GSG1L2: variants seen among roughly 807,000 people sequenced by gnomAD.
GSG1L2 encodes germ cell-specific gene 1-like protein 2.
In GSG1L2, 15 loss-of-function variants were observed where a neutral mutation model predicts 9.0. The observed-to-expected ratio is 1.67, with a 90% CI of 1.12 to 2.57. GSG1L2 has a LOEUF of 2.57. Ranked by LOEUF, GSG1L2 falls within the 30% of genes most tolerant of loss-of-function variation. The pLI, the probability that GSG1L2 is intolerant of heterozygous loss-of-function variation, is 0.00. For synonymous variants in GSG1L2, 127 were observed against 57.9 expected (o/e 2.19, Z -5.41); for missense variants, 286 against 150.3 (o/e 1.90, Z -4.72).
In GSG1L2 at chr17:9,802,589, T is replaced by G; in HGVS notation, c.679A>C (p.Arg227=). 4.3e-6 allele frequency: 3 copies of G among 702,448 alleles called. No individual in the cohort carries two copies. The highest frequency in any genetic ancestry group is 7.8e-6 in the Non-Finnish European group (3 of 384,852). 43.5% of individuals were successfully genotyped at this position (702,448 alleles called of 1,614,324 possible). Residue 227 remains arginine (R), a synonymous_variant, in exon 5 of 5, where the codon AGG becomes CGG. Transcript: ENST00000399363. ...CLAVSVSAMS[R]FTAARLEFTE... Reference sequence around the variant, plus strand: ...AATTCCAGGCGGGCTGCCGTGAACCTGCTCATGGCCGAGACCGACACAGCC... The same window carrying G: ...AATTCCAGGCGGGCTGCCGTGAACCGGCTCATGGCCGAGACCGACACAGCC...
At chr17:9,812,924 A>C (rs1026365378) in intron 1 of GSG1L2, among the ~76,000 whole-genome samples, 1 of 152,128 alleles carries the variant, frequency 6.6e-6, no homozygotes, top group African/African-American at 2.4e-5. Flanking sequence ...TTTTGTAGTA[A>C]CCTCGCACGG....
At chr17:9,815,832 A>G (rs1430405471) in intron 1 of GSG1L2, among the ~76,000 whole-genome samples, 1 of 152,176 alleles carries the variant, frequency 6.6e-6, no homozygotes, top group Non-Finnish European at 1.5e-5. Context: ...TCATGTTGAA[A>G]TTTAATCCCT....
At chr17:9,808,740 C>A (rs2066525787) in intron 3 of GSG1L2, 90 bp downstream of exon 3, 5 of 646,484 alleles carry the variant, frequency 7.7e-6, no homozygotes, top group South Asian at 1.7e-5. Flanking sequence ...TGGGAAAGAG[C>A]CAGCCTGTTC....
At chr17:9,804,702 AAAC>A (rs2066510694) in intron 4 of GSG1L2, 1 of 152,236 alleles carries the variant, frequency 6.6e-6, no homozygotes, top group Non-Finnish European at 1.5e-5. Context: ...TCACATGCCA[AAAC>A]AACAACAAAA....
At position 9,800,979 on chromosome 17, in the gene GSG1L2, C is replaced by T. The variant is rs957840119; in HGVS notation, c.*1407G>A. ...GAAACACAAAATTCCACAGAAGCAG[C>T]ATTTGTCAGGCAGGTGCTCACCTTG... On this transcript the variant is annotated 3_prime_UTR_variant, in exon 5 of 5. Transcript: ENST00000399363. Among the ~76,000 whole-genome samples, 2 of 152,146 alleles carry T rather than the reference C, an allele frequency of 1.3e-5. No homozygotes were observed. The highest frequency in any genetic ancestry group is 6.5e-5 in the Admixed American group (1 of 15,280).
rs76549803 is a variant in GSG1L2, at chr17:9,802,567, T to C, written c.701A>G (p.Glu234Gly). 2.8e-6 allele frequency: 2 copies of C among 702,378 alleles called. No individual in the cohort carries two copies. The highest frequency in any genetic ancestry group is 5.2e-6 in the Non-Finnish European group (2 of 384,892). The allele number at this position is 702,378 out of a possible 1,614,324, so 43.5% of individuals were successfully genotyped here. A position where few individuals can be genotyped will look rare whatever the true frequency, so the allele number is the denominator to read the frequency against. Residue 234 changes from glutamate (E) to glycine (G), a missense_variant, in exon 5 of 5, where the codon GAA becomes GGA. Glu to Gly is a moderately conservative substitution (Grantham distance 98). Transcript: ENST00000399363. The part of the protein sequence containing the change: ...AMSRFTAARL[E>G]FTEKQQAQNG... ...CTGTGCCTGCTGCTTCTCGGTGAAT[T>C]CCAGGCGGGCTGCCGTGAACCTGCT... is the stretch of plus-strand genomic sequence containing the variant.
rs1228620885 is a variant in GSG1L2 at position 9,816,870 on chromosome 17, CTG to C, written c.310+4890_310+4891del. On this transcript the variant is annotated intron_variant, in intron 1 of 4. Coordinates refer to ENST00000399363, the MANE Select transcript of GSG1L2 (RefSeq NM_001310219.2). ...TTTCTGTGTATCTGTATGTGTGTGT[CTG>C]TGTGTGTATCTGTGTGTGTGTATCT... 2.5e-5 allele frequency among the ~76,000 whole-genome samples: 3 copies of C among 120,966 alleles called. 1 individual carries two copies. The highest frequency in any genetic ancestry group is 6.7e-5 in the African/African-American group (2 of 29,758). 79.4% of individuals were successfully genotyped at this position (120,966 alleles called of 152,430 possible). A position where few individuals can be genotyped will look rare whatever the true frequency, so the allele number is the denominator to read the frequency against.
rs1567712286 is a variant in GSG1L2, at chr17:9,820,104, A to G, written c.310+1658T>C. Among the ~76,000 whole-genome samples the G allele has an allele frequency of 2.0e-5, 3 of 151,938 alleles. No homozygotes were observed. Among genetic ancestry groups the G allele is most frequent in the Non-Finnish European group, 4.4e-5 (3 of 67,998 alleles). On this transcript the variant is annotated intron_variant, in intron 1 of 4. Coordinates refer to ENST00000399363, the MANE Select transcript of GSG1L2 (RefSeq NM_001310219.2). The surrounding 1 kb of genome is among the most constrained non-coding windows in gnomAD (Gnocchi z 4.9). ...AAATTCCATCTCAAAATAAAAAATA[A>G]AATAAAATAAAATAAAATAAGAATA...
rs1235237817 is a variant in GSG1L2 at position 9,801,096 on chromosome 17, AT to A, written c.*1289del. 1.3e-5 allele frequency among the ~76,000 whole-genome samples: 2 copies of A among 151,912 alleles called. No individual in the cohort carries two copies. Among genetic ancestry groups the A allele is most frequent in the Admixed American group, 1.3e-4 (2 of 15,252 alleles). ...TTCAGCATAAACAGATTTTTATTGG[AT>A]TTTTTTCCCAGAAATGATATGTTTA... On this transcript the variant is annotated 3_prime_UTR_variant, in exon 5 of 5. Coordinates refer to ENST00000399363, the MANE Select transcript of GSG1L2 (RefSeq NM_001310219.2).
rs2066529813 is a variant in GSG1L2 at position 9,809,370 on chromosome 17, A to G, written c.359-388T>C. The G allele has an allele frequency of 2.1e-5, 6 of 287,628 alleles. No individual in the cohort carries two copies. The South Asian group carries it at 2.2e-4, about 11-fold the overall frequency. 17.8% of individuals were successfully genotyped at this position (287,628 alleles called of 1,614,324 possible). A position where few individuals can be genotyped will look rare whatever the true frequency, so the allele number is the denominator to read the frequency against. ...AACGAAGCCACAGACCTTCGCAGTG[A>G]GTGTTACAGCTCTTAAAGGTGGCAC... On this transcript the variant is annotated intron_variant, in intron 2 of 4. Coordinates refer to ENST00000399363, the MANE Select transcript of GSG1L2 (RefSeq NM_001310219.2).
At chr17:9,803,522 C>T (rs139335268) in intron 4 of GSG1L2, among the ~76,000 whole-genome samples, 1 of 152,242 alleles carries the variant, frequency 6.6e-6, no homozygotes, top group South Asian at 2.1e-4. Flanking sequence ...TAATTAGCAT[C>T]TGCTTTATAC....
At chr17:9,812,709 C>G (rs2066543961) in intron 1 of GSG1L2, among the ~76,000 whole-genome samples, 1 of 152,154 alleles carries the variant, frequency 6.6e-6, no homozygotes, top group Non-Finnish European at 1.5e-5. Flanking sequence ...CAGCCAAAAT[C>G]TCCTGGGCTC....
rs995462116 is a variant in GSG1L2 at position 9,808,763 on chromosome 17, C to A, written c.511+67G>T. The A allele has an allele frequency of 7.3e-6, 5 of 683,764 alleles. No homozygotes were observed. The East Asian group carries it at 1.4e-4, about 18-fold the overall frequency. The allele number at this position is 683,764 out of a possible 1,614,324, so 42.4% of individuals were successfully genotyped here. A position where few individuals can be genotyped will look rare whatever the true frequency, so the allele number is the denominator to read the frequency against. ...AGCCAGCCTGTTCTTTGGTAATGAG[C>A]ATGTCCAGTCTGACACTCTGCTTTC... is the stretch of plus-strand genomic sequence containing the variant. On this transcript the variant is annotated intron_variant, in intron 3 of 4. Coordinates refer to ENST00000399363, the MANE Select transcript of GSG1L2 (RefSeq NM_001310219.2).
chr17:9,816,616 GTGTC>G (rs1034600706), intron 1 of GSG1L2, among the ~76,000 whole-genome samples: 4 of 99,772 alleles, frequency 4.0e-5, no homozygotes, highest in African/African-American at 1.6e-4. Flanking sequence ...GTGTGTCTGT[GTGTC>G]TGTTTTGCAT....
chr17:9,813,287 C>T (rs1302804343), intron 1 of GSG1L2, among the ~76,000 whole-genome samples: 2 of 152,168 alleles, frequency 1.3e-5, no homozygotes, highest in Non-Finnish European at 2.9e-5. Context: ...AAGAGAAACT[C>T]AGGTTGGGGT....
chr17:9,816,608 GTGTC>G (rs1188385701), intron 1 of GSG1L2, among the ~76,000 whole-genome samples: 4 of 36,810 alleles, frequency 1.1e-4, no homozygotes, highest in African/African-American at 2.3e-4. Flanking sequence ...GTGTCTGTGT[GTGTC>G]TGTGTGTCTG....
At chr17:9,804,230 T>C (rs1039917228) in intron 4 of GSG1L2, 2 of 152,216 alleles carry the variant, frequency 1.3e-5, no homozygotes, top group African/African-American at 4.8e-5. Flanking sequence ...GAAGGATGCC[T>C]GTTATATCAG....
At chr17:9,815,834 T>G (rs1385953599) in intron 1 of GSG1L2, among the ~76,000 whole-genome samples, 1 of 152,162 alleles carries the variant, frequency 6.6e-6, no homozygotes, top group Non-Finnish European at 1.5e-5. Flanking sequence ...ATGTTGAAAT[T>G]TAATCCCTAG....
intron 3 of GSG1L2, among the ~76,000 whole-genome samples, chr17:9,808,510 T>C (rs1055794358): frequency 6.6e-6 from 1 of 152,170 alleles, no homozygotes; most frequent in Non-Finnish European, 1.5e-5. Flanking sequence ...CTGAGCAGGA[T>C]CCCTCCACAG....
Sources: allele counts gnomAD v4.1 joint callset (sites outside exome capture counted in the v4.1 genomes callset), GRCh38; gene constraint gnomAD v4.1.1; non-coding constraint Gnocchi (gnomAD v3.1); transcripts MANE v1.5; gene names NCBI Gene and HGNC (gene_info 2026-07-23, HGNC 2026-07-21).